The following RTN4 variants were observed in gnomAD, a reference collection of about 807,000 sequenced individuals.
RTN4 encodes reticulon-4.
In RTN4, 32 loss-of-function variants were observed where a neutral mutation model predicts 90.4. The ratio of observed to expected loss-of-function variants is 0.35; its 90% confidence interval spans 0.27 to 0.48. The LOEUF is 0.48. Among genes scored for constraint, RTN4 ranks in the 20% least tolerant of loss-of-function variants. The pLI, the probability that RTN4 is intolerant of heterozygous loss-of-function variation, is 0.99. For synonymous variants in RTN4, 629 were observed against 552.5 expected (o/e 1.14, Z -1.94); for missense variants, 1,706 against 1,430.2 (o/e 1.19, Z -3.11).
Position 55,092,363 on chromosome 2 carries a change from G to A in RTN4, c.-213-11724C>T, listed in dbSNP as rs562674768. 2.0e-5 allele frequency among the ~76,000 whole-genome samples: 3 copies of A among 151,782 alleles called. No individual in the cohort carries two copies. In the East Asian group the frequency reaches 5.8e-4, roughly 30 times the overall value. On this transcript the variant is annotated intron_variant, in intron 1 of 3. Coordinates refer to the RTN4 transcript ENST00000427710. ...CAATTCTCCTGCCTCAGCCTCCCTA[G>A]TAGCTGGGATTACAGGCATTCACCA...
chr2:55,025,712 C>T lies in RTN4; in HGVS notation c.2387G>A (p.Gly796Glu), dbSNP rs1005329817. ...EKLSALPPEG[G>E]KPYLESFKLS... ...CTTAAAAGATTCCAAATATGGCTTT[C>T]CTCCCTCAGGTGGCAAAGCACTGAG... The change falls in exon 3 of 9, where the codon GGA (glycine) becomes GAA (glutamate). Residue 796 changes from glycine to glutamate, a missense_variant. Gly to Glu is a moderately conservative substitution (Grantham distance 98). Coordinates refer to ENST00000337526, the MANE Select transcript of RTN4 (RefSeq NM_020532.5). The T allele has an allele frequency of 6.2e-7, 1 of 1,613,648 alleles. No homozygotes were observed. Among genetic ancestry groups the T allele is most frequent in the African/African-American group, 1.3e-5 (1 of 74,888 alleles).
intron 2 of RTN4, among the ~76,000 whole-genome samples, chr2:55,072,096 G>C (rs1446958403): frequency 6.6e-6 from 1 of 151,442 alleles, no homozygotes; most frequent in African/African-American, 2.4e-5. Context: ...CATGGTATGG[G>C]TGTGCCACAA....
intron 1 of RTN4, among the ~76,000 whole-genome samples, chr2:55,038,860 A>G (rs139494062): frequency 1.1e-3 from 168 of 152,296 alleles, no homozygotes; most frequent in African/African-American, 3.9e-3. Flanking sequence ...CAAACATCCA[A>G]CGAGTGAATA....
chr2:55,051,094 A>G (rs185797850), upstream of RTN4, among the ~76,000 whole-genome samples: 926 of 152,324 alleles, frequency 6.1e-3, 3 homozygotes, highest in Non-Finnish European at 1.0e-2. Context: ...AAATAAGAAA[A>G]AAATTGTTTT....
At chr2:55,006,887 C>T (rs771743091) in intron 3 of RTN4, among the ~76,000 whole-genome samples, 2 of 152,066 alleles carry the variant, frequency 1.3e-5, no homozygotes, top group East Asian at 1.9e-4. Flanking sequence ...ACCTCCATAA[C>T]GCAGGTTTTA....
chr2:55,016,448 T>G (rs1681043761), intron 3 of RTN4, among the ~76,000 whole-genome samples: 1 of 152,084 alleles, frequency 6.6e-6, no homozygotes, highest in African/African-American at 2.4e-5. Flanking sequence ...CCAGGCACGG[T>G]GGCCCACACC....
intron 4 of RTN4, among the ~76,000 whole-genome samples, chr2:54,986,767 C>A (rs1448718308): frequency 6.6e-6 from 1 of 151,960 alleles, no homozygotes; most frequent in Non-Finnish European, 1.5e-5. Flanking sequence ...TAGGAAGTTT[C>A]TTTTTGTGCG....
intron 3 of RTN4, among the ~76,000 whole-genome samples, chr2:54,997,102 A>C (rs1199761306): frequency 6.6e-6 from 1 of 152,204 alleles, no homozygotes; most frequent in African/African-American, 2.4e-5. Context: ...ACGAGAGAAA[A>C]CACTTGCAAA....
At chr2:55,045,660 A>C (rs1683372914) in intron 1 of RTN4, among the ~76,000 whole-genome samples, 1 of 152,248 alleles carries the variant, frequency 6.6e-6, no homozygotes, top group Admixed American at 6.5e-5. Flanking sequence ...ACAATTAAAA[A>C]AAACAATTTT....
At chr2:55,045,112 A>G (rs780183861) in intron 1 of RTN4, among the ~76,000 whole-genome samples, 7 of 152,238 alleles carry the variant, frequency 4.6e-5, no homozygotes, top group Non-Finnish European at 8.8e-5. Flanking sequence ...AAATGATCAT[A>G]TAATAAATGG....
chr2:55,099,042 T>G (rs567327549), intron 1 of RTN4, among the ~76,000 whole-genome samples: 1 of 152,270 alleles, frequency 6.6e-6, no homozygotes, highest in South Asian at 2.1e-4. Context: ...CAATCACTTC[T>G]CCTTAAGGCC....
intron 1 of RTN4, among the ~76,000 whole-genome samples, chr2:55,098,086 G>A (rs984020235): frequency 1.3e-4 from 20 of 152,092 alleles, no homozygotes; most frequent in African/African-American, 3.4e-4. Context: ...ACTGTGCTAC[G>A]GTATTTCTTT....
chr2:55,006,870 G>A (rs1010191292), intron 3 of RTN4, among the ~76,000 whole-genome samples: 1 of 151,960 alleles, frequency 6.6e-6, no homozygotes, highest in Non-Finnish European at 1.5e-5. Context: ...TTTCCCTAAA[G>A]CCGCAGACCT....
At chr2:54,994,018 A>T (rs1449026832) in intron 3 of RTN4, among the ~76,000 whole-genome samples, 2 of 152,244 alleles carry the variant, frequency 1.3e-5, no homozygotes, top group African/African-American at 4.8e-5. Flanking sequence ...TGCCAACAAA[A>T]TTTCTAGTCC....
At chr2:55,010,211 G>A in intron 3 of RTN4, 1 of 1,595,454 alleles carries the variant, frequency 6.3e-7, no homozygotes, top group Non-Finnish European at 8.5e-7. Context: ...CCTGAGACAT[G>A]AAATACCCGT....
chr2:54,983,174 A>C lies in RTN4; in HGVS notation c.3222-521T>G, dbSNP rs137857606. Reference sequence around the variant, plus strand: ...CTCTCTCAGACTAACCTTTAGGGGAAATTGTTCAATATGTCAAGCACCAGA... The same window carrying C: ...CTCTCTCAGACTAACCTTTAGGGGACATTGTTCAATATGTCAAGCACCAGA... On this transcript the variant is annotated intron_variant, in intron 4 of 8. Transcript: ENST00000337526. 5.1e-4 allele frequency among the ~76,000 whole-genome samples: 78 copies of C among 152,136 alleles called. 2 individuals carry two copies. In the East Asian group the frequency reaches 0.014, roughly 27 times the overall value.
the RTN4 span, among the ~76,000 whole-genome samples, chr2:55,120,992 C>T: frequency 6.6e-6 from 1 of 152,268 alleles, no homozygotes; most frequent in East Asian, 1.9e-4. Flanking sequence ...TGGAAAAATT[C>T]CCATGGGGCC....
chr2:55,062,012 A>ATCAAGAGCACGTCAAGAGCACG (rs149046465), intron 2 of RTN4, among the ~76,000 whole-genome samples: 6 of 151,008 alleles, frequency 4.0e-5, no homozygotes, highest in African/African-American at 7.3e-5. Flanking sequence ...TCGAGAGGAC[A>ATCAAGAGCACGTCAAGAGCACG]TCAAGAGCAC....
intron 1 of RTN4, among the ~76,000 whole-genome samples, chr2:55,044,335 G>A (rs532117845): frequency 6.6e-6 from 1 of 152,224 alleles, no homozygotes; most frequent in Non-Finnish European, 1.5e-5. Flanking sequence ...AGGGTATAGT[G>A]AGCCATAATC....
Sources: allele counts gnomAD v4.1 joint callset (sites outside exome capture counted in the v4.1 genomes callset), GRCh38; gene constraint gnomAD v4.1.1; transcripts MANE v1.5; gene names NCBI Gene and HGNC (gene_info 2026-07-23, HGNC 2026-07-21).